TTBK1: variants seen among roughly 807,000 people sequenced by gnomAD.
TTBK1 encodes tau-tubulin kinase 1.
Under a neutral mutation model 108.5 loss-of-function variants are expected in TTBK1, and 34 were observed. The ratio of observed to expected loss-of-function variants is 0.31; its 90% confidence interval spans 0.24 to 0.42. The LOEUF is 0.42. Among genes scored for constraint, TTBK1 ranks in the 10% least tolerant of loss-of-function variants. The pLI is 1.00. For missense variants in TTBK1, 1,539 were observed against 1,826.0 expected (o/e 0.84, Z 2.86); for synonymous variants, 809 against 795.1 (o/e 1.02, Z -0.29).
chr6:43,267,620 G>A (rs1473015372), intron 13 of TTBK1, among the ~76,000 whole-genome samples: 1 of 152,052 alleles, frequency 6.6e-6, no homozygotes, highest in Non-Finnish European at 1.5e-5. Flanking sequence ...TTTGGTGATG[G>A]TGGGTTTTTT....
intron 13 of TTBK1, chr6:43,272,609 T>G (rs2150705084): frequency 1.0e-6 from 1 of 985,414 alleles, no homozygotes; most frequent in African/African-American, 1.7e-5. Flanking sequence ...TTGTAAGCCA[T>G]AAAGCTCTGA....
In TTBK1 at chr6:43,285,226, G is replaced by C; in HGVS notation, c.3816G>C (p.Pro1272=). 1 of 1,299,564 alleles carries C rather than the reference G, an allele frequency of 7.7e-7. No individual in the cohort carries two copies. Among genetic ancestry groups the C allele is most frequent in the Non-Finnish European group, 9.7e-7 (1 of 1,026,824 alleles). The allele number at this position is 1,299,564 out of a possible 1,614,324, so 80.5% of individuals were successfully genotyped here. A position where few individuals can be genotyped will look rare whatever the true frequency, so the allele number is the denominator to read the frequency against. The change falls in exon 15 of 15, where the codon CCG becomes CCC. Residue 1272 remains proline, a synonymous_variant. Transcript: ENST00000259750. The surrounding 1 kb of genome is among the most constrained non-coding windows in gnomAD (Gnocchi z 4.7). Reference sequence around the variant, plus strand: ...ACCAGGCCCGGCCCGGGGTCCCCCCGCCCCGGGGCGTCCCGCCGGCCCGGG... The same window carrying C: ...ACCAGGCCCGGCCCGGGGTCCCCCCCCCCCGGGGCGTCCCGCCGGCCCGGG... ...PSHQARPGVP[P]PRGVPPARAQ...
At chr6:43,270,802 A>C (rs910180240) in intron 13 of TTBK1, 2 of 985,350 alleles carry the variant, frequency 2.0e-6, no homozygotes, top group Non-Finnish European at 2.4e-6. Flanking sequence ...GTGGCAGCTA[A>C]GGTGGTTGTT....
chr6:43,260,328 G>C (rs894271384), intron 12 of TTBK1, among the ~76,000 whole-genome samples: 5 of 152,220 alleles, frequency 3.3e-5, no homozygotes, highest in South Asian at 2.1e-4. Context: ...CTGTGCTGGT[G>C]GTGGGTGGGA....
At chr6:43,279,294 C>G (rs1033843409) in intron 13 of TTBK1, among the ~76,000 whole-genome samples, 1 of 152,158 alleles carries the variant, frequency 6.6e-6, no homozygotes, top group South Asian at 2.1e-4. Flanking sequence ...GATCCAGGGC[C>G]TGGCCAGAGA....
In TTBK1 at chr6:43,285,737, C is replaced by T. The variant is rs2150719916; in HGVS notation, c.*361C>T. 1 of 172,964 alleles carries T rather than the reference C, an allele frequency of 5.8e-6. No individual in the cohort carries two copies. The highest frequency in any genetic ancestry group is 6.3e-5 in the Admixed American group (1 of 15,758). The allele number at this position is 172,964 out of a possible 1,614,324, so 10.7% of individuals were successfully genotyped here. The stretch of plus-strand genomic sequence containing the variant: ...CACTTCTGGGGACGCCTGGTTCGTT[C>T]GCCCACCAGGCCTAGGCTACGCTCC... On this transcript the variant is annotated 3_prime_UTR_variant, in exon 15 of 15. Transcript: ENST00000259750. This position sits in a 1 kb window ranked among gnomAD's most constrained non-coding sequence, Gnocchi z 4.7.
chr6:43,254,185 G>A (rs2841638), intron 5 of TTBK1, among the ~76,000 whole-genome samples: 5 of 152,258 alleles, frequency 3.3e-5, no homozygotes, highest in Admixed American at 3.3e-4. Flanking sequence ...AGGCCACCCA[G>A]CAGGCCTGCT....
intron 1 of TTBK1, among the ~76,000 whole-genome samples, chr6:43,245,452 G>T (rs1026105957): frequency 6.6e-6 from 1 of 152,104 alleles, no homozygotes; most frequent in Non-Finnish European, 1.5e-5. Flanking sequence ...CTACACACAT[G>T]CATATCACAC....
intron 2 of TTBK1, among the ~76,000 whole-genome samples, chr6:43,248,639 C>G (rs1402390173): frequency 6.6e-6 from 1 of 152,204 alleles, no homozygotes; most frequent in Admixed American, 6.5e-5. Context: ...AGGAGAATCA[C>G]TTGAACCTGG....
intron 12 of TTBK1, among the ~76,000 whole-genome samples, chr6:43,262,289 T>A (rs1381141523): frequency 1.3e-5 from 2 of 152,052 alleles, no homozygotes; most frequent in Non-Finnish European, 2.9e-5. Flanking sequence ...TTGGGGGTGA[T>A]GAAACCAGCC....
In TTBK1 at chr6:43,257,036, A is replaced by G. The variant is rs1449220225; in HGVS notation, c.862-776A>G. 6.6e-6 allele frequency among the ~76,000 whole-genome samples: 1 copy of G among 152,190 alleles called. No homozygotes were observed. Among genetic ancestry groups the G allele is most frequent in the East Asian group, 1.9e-4 (1 of 5,194 alleles). ...CACTACACGCCAGGCACGATGCTGC[A>G]TACTGTAGGAGTAGAGACAGCCTGA... On this transcript the variant is annotated intron_variant, in intron 9 of 14. Transcript: ENST00000259750. The surrounding 1 kb of genome is among the most constrained non-coding windows in gnomAD (Gnocchi z 4.5).
rs3997628 is a variant in TTBK1, at chr6:43,266,998, CGTGTGTGTGTGTGTGTGT to C, written c.1986+3685_1986+3702del. Reference sequence around the variant, plus strand: ...AGGATCAGAGAGAGCCTGGAGCATGCGTGTGTGTGTGTGTGTGTGTGTGTGTGTGTGTGTGTGTGTGTG... The same window carrying C: ...AGGATCAGAGAGAGCCTGGAGCATGCGTGTGTGTGTGTGTGTGTGTGTGTG... On this transcript the variant is annotated intron_variant, in intron 13 of 14. Coordinates refer to ENST00000259750, the MANE Select transcript of TTBK1 (RefSeq NM_032538.3). Among the ~76,000 whole-genome samples, 1,118 of 128,204 alleles carry C rather than the reference CGTGTGTGTGTGTGTGTGT, an allele frequency of 8.7e-3. 6 individuals are homozygous for C. The highest frequency in any genetic ancestry group is 0.047 in the South Asian group (165 of 3,536). 84.1% of individuals were successfully genotyped at this position (128,204 alleles called of 152,430 possible).
chr6:43,270,039 C>T, intron 13 of TTBK1: 7 of 1,422,328 alleles, frequency 4.9e-6, no homozygotes, highest in Non-Finnish European at 6.4e-6. Flanking sequence ...ACGCAATAAT[C>T]ACACACTCAC....
chr6:43,260,468 T>C (rs1262808877), intron 12 of TTBK1, among the ~76,000 whole-genome samples: 2 of 152,188 alleles, frequency 1.3e-5, no homozygotes, highest in Non-Finnish European at 2.9e-5. Flanking sequence ...GACCCAGTCC[T>C]GGGGATAGGA....
rs559482774 is a variant in TTBK1, at chr6:43,283,826, C to T, written c.3086C>T (p.Pro1029Leu). ...ALADGPAPVS[P>L]LEPSPEKVAT... ...GCAGACGGGCCAGCCCCGGTGTCCCCGCTGGAGCCAAGCCCTGAGAAAGTG... is the reference window on the plus strand; with the variant it reads ...GCAGACGGGCCAGCCCCGGTGTCCCTGCTGGAGCCAAGCCCTGAGAAAGTG... Residue 1029 changes from proline (P) to leucine (L), a missense_variant, in exon 14 of 15, where the codon CCG becomes CTG. By Grantham distance (98) the Pro-to-Leu change is moderately conservative (BLOSUM62 -3). Coordinates refer to ENST00000259750, the MANE Select transcript of TTBK1 (RefSeq NM_032538.3). The surrounding 1 kb of genome is among the most constrained non-coding windows in gnomAD (Gnocchi z 8.1). The T allele has an allele frequency of 1.9e-4, 313 of 1,611,432 alleles. 5 individuals are homozygous for T. In the South Asian group the frequency reaches 3.1e-3, roughly 16 times the overall value.
At chr6:43,255,233 C>A (rs1777353191) in intron 7 of TTBK1, 119 bp downstream of exon 7, 1 of 937,326 alleles carries the variant, frequency 1.1e-6, no homozygotes. Context: ...ATCTGCCACC[C>A]CAGAGACCCT....
Position 43,285,573 on chromosome 6 carries a change from C to A in TTBK1, c.*197C>A, listed in dbSNP as rs1778355872. 1 of 596,928 alleles carries A rather than the reference C, an allele frequency of 1.7e-6. No individual in the cohort carries two copies. Among genetic ancestry groups the A allele is most frequent in the Non-Finnish European group, 2.4e-6 (1 of 420,410 alleles). 37.0% of individuals were successfully genotyped at this position (596,928 alleles called of 1,614,324 possible). On this transcript the variant is annotated 3_prime_UTR_variant, in exon 15 of 15. Coordinates refer to ENST00000259750, the MANE Select transcript of TTBK1 (RefSeq NM_032538.3). This position sits in a 1 kb window ranked among gnomAD's most constrained non-coding sequence, Gnocchi z 4.7. Reference sequence around the variant, plus strand: ...CAGGCCTTAGGGCCCGTGGGGGACGCGGCCCCGCGCCGCGGGGAGGGTCTG... The same window carrying A: ...CAGGCCTTAGGGCCCGTGGGGGACGAGGCCCCGCGCCGCGGGGAGGGTCTG...
At position 43,283,172 on chromosome 6, in the gene TTBK1, A is replaced by G; in HGVS notation, c.2432A>G (p.Asp811Gly). Reference protein sequence around the residue: ...QEGAPSTLLADDQKESRGRAS... With the variant: ...QEGAPSTLLAGDQKESRGRAS... Reference sequence around the variant, plus strand: ...GGTGCCCCGTCCACGCTGCTGGCAGACGATCAGAAGGAGTCCAGGGGCCGG... The same window carrying G: ...GGTGCCCCGTCCACGCTGCTGGCAGGCGATCAGAAGGAGTCCAGGGGCCGG... Residue 811 changes from aspartate to glycine, a missense_variant, in exon 14 of 15, where the codon GAC becomes GGC. By Grantham distance (94) the Asp-to-Gly change is moderately conservative (BLOSUM62 -1). This residue lies in a region of TTBK1 where 1,055 missense variants were observed against 1,086.5 expected (regional missense o/e 0.97). Coordinates refer to ENST00000259750, the MANE Select transcript of TTBK1 (RefSeq NM_032538.3). The surrounding 1 kb of genome is among the most constrained non-coding windows in gnomAD (Gnocchi z 8.1). The G allele has an allele frequency of 6.4e-7, 1 of 1,557,868 alleles. No homozygotes were observed. The highest frequency in any genetic ancestry group is 8.7e-7 in the Non-Finnish European group (1 of 1,151,400).
At chr6:43,275,803 C>T (rs1777967906) in intron 13 of TTBK1, among the ~76,000 whole-genome samples, 1 of 152,046 alleles carries the variant, frequency 6.6e-6, no homozygotes, top group African/African-American at 2.4e-5. Context: ...CCCACACCCC[C>T]ACCCCCGAAA....
Sources: allele counts gnomAD v4.1 joint callset (sites outside exome capture counted in the v4.1 genomes callset), GRCh38; gene constraint gnomAD v4.1.1; regional missense constraint gnomAD v4.1.1; non-coding constraint Gnocchi (gnomAD v3.1); transcripts MANE v1.5; gene names NCBI Gene and HGNC (gene_info 2026-07-23, HGNC 2026-07-21).